The following CTNNA3 variants were observed in gnomAD, a reference collection of about 807,000 sequenced individuals.
The protein encoded by CTNNA3 is catenin alpha 3.
CTNNA3 carries 76 observed loss-of-function variants against 95.7 expected under a neutral mutation model. That is an observed-to-expected ratio of 0.79 (90% CI 0.66 to 0.96). The LOEUF (loss-of-function observed/expected upper bound fraction) is 0.96. Among genes scored for constraint, CTNNA3 ranks in the 40% least tolerant of loss-of-function variants. CTNNA3 has a pLI of 0.00. For missense variants in CTNNA3, 1,191 were observed against 1,089.8 expected, an observed-to-expected ratio of 1.09 and a Z score of -1.31; for synonymous variants, 431 against 374.4, an observed-to-expected ratio of 1.15 and a Z score of -1.74.
At chr10:66,181,486 C>T (rs2086036104) in intron 13 of CTNNA3, among the ~76,000 whole-genome samples, 2 of 152,182 alleles carry the variant, frequency 1.3e-5, no homozygotes, top group South Asian at 4.1e-4. Context: ...AATGCTAGGC[C>T]TTTGATGCTC....
intron 9 of CTNNA3, among the ~76,000 whole-genome samples, chr10:66,676,177 A>T (rs971063846): frequency 4.6e-5 from 7 of 151,654 alleles, no homozygotes; most frequent in Non-Finnish European, 5.9e-5. Flanking sequence ...GACTGGGGGA[A>T]AAAGAAAACG....
intron 5 of CTNNA3, among the ~76,000 whole-genome samples, chr10:67,441,184 T>C (rs1846497652): frequency 6.6e-6 from 1 of 150,698 alleles, no homozygotes. Context: ...CAGAATACCT[T>C]AATAGCAGAA....
intron 5 of CTNNA3, among the ~76,000 whole-genome samples, chr10:67,443,956 C>G (rs902128549): frequency 7.2e-5 from 11 of 152,122 alleles, no homozygotes; most frequent in African/African-American, 2.7e-4. Flanking sequence ...TTTAATCCAT[C>G]TTGAATTACT....
chr10:66,185,103 C>A (rs1430279824), intron 13 of CTNNA3, among the ~76,000 whole-genome samples: 1 of 152,174 alleles, frequency 6.6e-6, no homozygotes, highest in East Asian at 1.9e-4. Flanking sequence ...ACATATAAGA[C>A]CTCTCCTATC....
chr10:66,366,009 C>A (rs1171795989), intron 12 of CTNNA3, among the ~76,000 whole-genome samples: 1 of 152,088 alleles, frequency 6.6e-6, no homozygotes, highest in Non-Finnish European at 1.5e-5. Context: ...TTAGCTGCTC[C>A]CAGGTTCATG....
At chr10:66,089,145 T>G (rs779344963) in intron 14 of CTNNA3, among the ~76,000 whole-genome samples, 8 of 151,942 alleles carry the variant, frequency 5.3e-5, no homozygotes, top group Non-Finnish European at 1.2e-4. Context: ...TGGAACATCC[T>G]TTACCATCCT....
chr10:67,717,336 T>G (rs1841149942), intron 1 of CTNNA3, among the ~76,000 whole-genome samples: 1 of 152,214 alleles, frequency 6.6e-6, no homozygotes, highest in Admixed American at 6.5e-5. Flanking sequence ...GTCTCATTTG[T>G]CTATTTTGGC....
intron 5 of CTNNA3, among the ~76,000 whole-genome samples, chr10:67,520,311 T>C (rs1839945236): frequency 6.6e-6 from 1 of 152,186 alleles, no homozygotes; most frequent in Non-Finnish European, 1.5e-5. Flanking sequence ...AGTTCTACCC[T>C]TCTGCCCCTG....
intron 10 of CTNNA3, among the ~76,000 whole-genome samples, chr10:66,613,465 G>C (rs1844400317): frequency 6.6e-6 from 1 of 152,028 alleles, no homozygotes; most frequent in Non-Finnish European, 1.5e-5. Context: ...GAAAGTGGCT[G>C]TGTAATTGGA....
chr10:66,840,490 T>C (rs1194327578), intron 7 of CTNNA3, among the ~76,000 whole-genome samples: 2 of 151,962 alleles, frequency 1.3e-5, no homozygotes, highest in African/African-American at 4.8e-5. Context: ...ACCTATATTT[T>C]ATTTGCTTTG....
intron 5 of CTNNA3, among the ~76,000 whole-genome samples, chr10:67,261,046 G>T (rs1048154151): frequency 3.3e-5 from 5 of 152,170 alleles, no homozygotes; most frequent in African/African-American, 1.2e-4. Flanking sequence ...TGCTCTGATA[G>T]AAAGCCTCAG....
At chr10:66,390,418 G>T (rs1021408781) in intron 11 of CTNNA3, among the ~76,000 whole-genome samples, 4 of 152,118 alleles carry the variant, frequency 2.6e-5, no homozygotes, top group South Asian at 2.1e-4. Context: ...GAGAGAAAAA[G>T]ATATTAACTA....
At chr10:66,768,491 A>G (rs1256424115) in intron 8 of CTNNA3, among the ~76,000 whole-genome samples, 2 of 152,328 alleles carry the variant, frequency 1.3e-5, no homozygotes, top group South Asian at 2.1e-4. Flanking sequence ...CCCACAACTA[A>G]AAGACAAACT....
At chr10:67,065,321 C>T (rs1249935515) in intron 7 of CTNNA3, among the ~76,000 whole-genome samples, 1 of 152,038 alleles carries the variant, frequency 6.6e-6, no homozygotes. Flanking sequence ...CCTATCTTCA[C>T]AGAGTTGTGA....
intron 1 of CTNNA3, among the ~76,000 whole-genome samples, chr10:67,654,677 T>C (rs1011244191): frequency 6.6e-6 from 1 of 152,104 alleles, no homozygotes; most frequent in Non-Finnish European, 1.5e-5. Flanking sequence ...AAGAGAAGGT[T>C]TCTTAAAATT....
intron 7 of CTNNA3, among the ~76,000 whole-genome samples, chr10:66,799,646 A>T (rs1449002082): frequency 6.6e-6 from 1 of 151,522 alleles, no homozygotes; most frequent in Non-Finnish European, 1.5e-5. Context: ...CACAAGTTTA[A>T]TAAGAATCCC....
At chr10:66,897,579 T>C (rs1845552354) in intron 7 of CTNNA3, among the ~76,000 whole-genome samples, 1 of 152,152 alleles carries the variant, frequency 6.6e-6, no homozygotes, top group South Asian at 2.1e-4. Context: ...ATACTCCTGG[T>C]GGGTATTTTC....
intron 7 of CTNNA3, among the ~76,000 whole-genome samples, chr10:67,022,891 T>C (rs908548012): frequency 1.7e-4 from 26 of 152,034 alleles, no homozygotes; most frequent in African/African-American, 4.8e-4. Context: ...TGAGCCGAGA[T>C]CATGCCATTG....
intron 7 of CTNNA3, among the ~76,000 whole-genome samples, chr10:66,928,911 G>C (rs986691444): frequency 6.6e-6 from 1 of 152,180 alleles, no homozygotes; most frequent in African/African-American, 2.4e-5. Context: ...TCTTGGAGAT[G>C]ACTCAGTTAT....
Sources: gnomAD v4.1 joint callset for allele counts (sites outside exome capture counted in the v4.1 genomes callset) on GRCh38, gnomAD v4.1.1 for gene constraint, MANE v1.5 for transcripts, NCBI Gene and HGNC (gene_info 2026-07-23, HGNC 2026-07-21) for gene names.